Variants in ZNF536 observed in about 807,000 individuals in gnomAD.
ZNF536 encodes the protein zinc finger protein 536.
A neutral mutation model predicts 84.5 loss-of-function variants in ZNF536; 13 were observed. That is an observed-to-expected ratio of 0.15 (90% CI 0.10 to 0.24). The LOEUF (loss-of-function observed/expected upper bound fraction) is 0.24. Among genes scored for constraint, ZNF536 ranks in the 10% least tolerant of loss-of-function variants. The pLI is 1.00. For missense variants in ZNF536, 1,536 were observed against 1,747.5 expected (o/e 0.88, Z 2.16); for synonymous variants, 811 against 742.5 (o/e 1.09, Z -1.50).
chr19:30,692,825 T>C (rs1490482749), intron 1 of ZNF536, among the ~76,000 whole-genome samples: 1 of 152,194 alleles, frequency 6.6e-6, no homozygotes, highest in Non-Finnish European at 1.5e-5. Context: ...TACTTACCCT[T>C]CTGCTCCCTG....
chr19:30,237,558 C>G (rs1048709021), intron 1 of ZNF536, among the ~76,000 whole-genome samples: 1 of 152,146 alleles, frequency 6.6e-6, no homozygotes, highest in Non-Finnish European at 1.5e-5. Flanking sequence ...GGGGCCAAGG[C>G]GACCCTCCTT....
At chr19:30,474,331 C>CTG (rs918242508) in intron 2 of ZNF536, among the ~76,000 whole-genome samples, 14 of 151,194 alleles carry the variant, frequency 9.3e-5, no homozygotes, top group African/African-American at 1.9e-4. Flanking sequence ...CTCTCTCTCT[C>CTG]TGTGTGTGTG....
chr19:30,243,138 G>A, intron 1 of ZNF536, among the ~76,000 whole-genome samples: 1 of 151,670 alleles, frequency 6.6e-6, no homozygotes, highest in East Asian at 1.9e-4. Flanking sequence ...ATGAGTTAAA[G>A]GAAAAAAATA....
At chr19:30,662,647 T>G (rs2050163898) in intron 1 of ZNF536, among the ~76,000 whole-genome samples, 1 of 152,190 alleles carries the variant, frequency 6.6e-6, no homozygotes, top group Admixed American at 6.5e-5. Flanking sequence ...TTTTTCTCTC[T>G]TATTTTTCAA....
At chr19:30,467,480 G>A (rs999619953) in intron 2 of ZNF536, among the ~76,000 whole-genome samples, 1 of 152,098 alleles carries the variant, frequency 6.6e-6, no homozygotes, top group Non-Finnish European at 1.5e-5. Context: ...GTATTCTATT[G>A]TATGCATATC....
chr19:30,446,264 A>AG (rs1192336483), intron 2 of ZNF536, among the ~76,000 whole-genome samples: 3 of 149,934 alleles, frequency 2.0e-5, no homozygotes, highest in African/African-American at 7.3e-5. Context: ...AAAAAAAAAA[A>AG]AAAAAAAAAA....
downstream of ZNF536, among the ~76,000 whole-genome samples, chr19:30,561,551 A>G (rs2046166462): frequency 6.6e-6 from 1 of 152,168 alleles, no homozygotes; most frequent in African/African-American, 2.4e-5. Flanking sequence ...TGAGTGAGGG[A>G]GCAGGGAAGG....
chr19:30,492,938 AG>A (rs2054565340), intron 2 of ZNF536, among the ~76,000 whole-genome samples: 1 of 152,176 alleles, frequency 6.6e-6, no homozygotes, highest in African/African-American at 2.4e-5. Context: ...AACATTTGCA[AG>A]ACACAAATAT....
At chr19:30,431,535 A>G (rs1284491355) in intron 1 of ZNF536, among the ~76,000 whole-genome samples, 1 of 152,228 alleles carries the variant, frequency 6.6e-6, no homozygotes, top group African/African-American at 2.4e-5. Context: ...AAATATTTCA[A>G]AATCAAGCCC....
At chr19:30,347,392 G>T (rs1026792148) in intron 2 of ZNF536, among the ~76,000 whole-genome samples, 2 of 152,212 alleles carry the variant, frequency 1.3e-5, no homozygotes, top group African/African-American at 2.4e-5. Flanking sequence ...GATAGAGGTG[G>T]ATATCTGCCT....
chr19:30,648,727 A>G (rs1474964032), intron 1 of ZNF536, among the ~76,000 whole-genome samples: 1 of 152,230 alleles, frequency 6.6e-6, no homozygotes, highest in Non-Finnish European at 1.5e-5. Context: ...TTAAAAGCTC[A>G]ATAAAGGTAG....
At chr19:30,636,378 C>T (rs1488394118) in intron 1 of ZNF536, among the ~76,000 whole-genome samples, 1 of 152,142 alleles carries the variant, frequency 6.6e-6, no homozygotes, top group Non-Finnish European at 1.5e-5. Flanking sequence ...TCCACTGTGG[C>T]TGAGCAAAGA....
chr19:30,271,376 T>TTGTTGCTA (rs1165943735), intron 1 of ZNF536, among the ~76,000 whole-genome samples: 1 of 151,384 alleles, frequency 6.6e-6, no homozygotes, highest in Non-Finnish European at 1.5e-5. Context: ...CTATTTCTTC[T>TTGTTGCTA]TGTTGCTATA....
At chr19:30,622,268 GGT>G in intron 1 of ZNF536, among the ~76,000 whole-genome samples, 1 of 152,230 alleles carries the variant, frequency 6.6e-6, no homozygotes, top group South Asian at 2.1e-4. Context: ...AGATTTAAAT[GGT>G]GTTTAGCAAA....
At chr19:30,275,840 A>AGTGTGTGT (rs35955842) in intron 1 of ZNF536, among the ~76,000 whole-genome samples, 4 of 150,168 alleles carry the variant, frequency 2.7e-5, no homozygotes, top group African/African-American at 7.4e-5. Flanking sequence ...TGTGTGTGTG[A>AGTGTGTGT]GTGTGTGTGT....
At position 30,444,123 on chromosome 19, in the gene ZNF536, G is replaced by A. The variant is rs919746440; in HGVS notation, c.561G>A (p.Lys187=). The change falls in exon 2 of 5, where the codon AAG becomes AAA. Residue 187 remains lysine (K), a synonymous_variant. Coordinates refer to ENST00000355537, the MANE Select transcript of ZNF536 (RefSeq NM_014717.3). ...LRTHKLGNLG[K]GRGRVREENR... is the part of the protein sequence containing the mutation. ...CCCACAAGCTGGGCAACCTGGGCAA[G>A]GGGCGTGGGCGTGTGCGCGAGGAGA... 39 of 1,610,652 alleles carry A rather than the reference G, an allele frequency of 2.4e-5. No individual in the cohort carries two copies. Among genetic ancestry groups the A allele is most frequent in the Non-Finnish European group, 3.3e-5 (39 of 1,178,618 alleles).
chr19:30,423,820 T>G, intron 1 of ZNF536, among the ~76,000 whole-genome samples: 2 of 148,084 alleles, frequency 1.4e-5, no homozygotes, highest in Admixed American at 6.7e-5. Flanking sequence ...CTGGGAGCGG[T>G]CGCTGCGAAG....
intron 1 of ZNF536, among the ~76,000 whole-genome samples, chr19:30,394,375 G>C (rs2049724694): frequency 6.6e-6 from 1 of 152,080 alleles, no homozygotes; most frequent in South Asian, 2.1e-4. Flanking sequence ...GTGCATGTGT[G>C]GGTATGTAAT....
rs2148171918 is a variant in ZNF536, at chr19:30,444,171, G to A, written c.609G>A (p.Glu203=). ...AGAACCGCCTGCTGCACGAGCTGGA[G>A]GAGCGCGCCATCCTGCGGGACAAGC... The part of the protein sequence containing the change: ...REENRLLHEL[E]ERAILRDKQL... The change falls in exon 2 of 5, where the codon GAG becomes GAA. Residue 203 remains glutamate (E), a synonymous_variant. Transcript: ENST00000355537. 1.3e-6 allele frequency: 2 copies of A among 1,578,324 alleles called. No individual in the cohort carries two copies. Among genetic ancestry groups the A allele is most frequent in the Non-Finnish European group, 1.7e-6 (2 of 1,164,660 alleles).
Sources: gnomAD v4.1 joint callset for allele counts (sites outside exome capture counted in the v4.1 genomes callset) on GRCh38, gnomAD v4.1.1 for gene constraint, MANE v1.5 for transcripts, NCBI Gene and HGNC (gene_info 2026-07-23, HGNC 2026-07-21) for gene names.